The following BRSK2 variants were observed in gnomAD, a reference collection of about 807,000 sequenced individuals.
BRSK2 encodes the protein serine/threonine-protein kinase BRSK2.
A neutral mutation model predicts 83.3 loss-of-function variants in BRSK2; 19 were observed. That is an observed-to-expected ratio of 0.23 (90% CI 0.16 to 0.33). The LOEUF (loss-of-function observed/expected upper bound fraction) is 0.33. Ranked by LOEUF, BRSK2 falls within the 10% of genes least tolerant of loss-of-function variation. The pLI is 1.00. For synonymous variants in BRSK2, 519 were observed against 435.4 expected, an observed-to-expected ratio of 1.19 and a Z score of -2.39; for missense variants, 798 against 1,042.3, an observed-to-expected ratio of 0.77 and a Z score of 3.23.
intron 15 of BRSK2, among the ~76,000 whole-genome samples, chr11:1,453,429 G>C (rs781360339): frequency 6.6e-6 from 1 of 152,264 alleles, no homozygotes; most frequent in African/African-American, 2.4e-5. Flanking sequence ...TGTGCTTCCA[G>C]AACTGCCAGG....
At chr11:1,400,212 T>C (rs1289477155) in intron 1 of BRSK2, among the ~76,000 whole-genome samples, 1 of 152,224 alleles carries the variant, frequency 6.6e-6, no homozygotes, top group Non-Finnish European at 1.5e-5. Context: ...GGCGCTGGGC[T>C]CTGCGTGGGG....
chr11:1,392,291 T>C (rs989875102), intron 1 of BRSK2, among the ~76,000 whole-genome samples: 2 of 152,224 alleles, frequency 1.3e-5, no homozygotes, highest in Admixed American at 6.5e-5. Flanking sequence ...GAGGCTGGGC[T>C]TCTGGCCGCC....
chr11:1,393,145 C>T (rs1157207253), intron 1 of BRSK2, among the ~76,000 whole-genome samples: 2 of 152,190 alleles, frequency 1.3e-5, no homozygotes, highest in Non-Finnish European at 2.9e-5. Context: ...CAGTCCCTGC[C>T]AGCAAGGGCA....
At chr11:1,428,984 ACTGGGTGTGTC>A (rs1327933709) in intron 1 of BRSK2, among the ~76,000 whole-genome samples, 1 of 139,432 alleles carries the variant, frequency 7.2e-6, no homozygotes, top group African/African-American at 2.7e-5. Flanking sequence ...GGGCGTGTGC[ACTGGGTGTGTC>A]CTGGGTGTGT....
At chr11:1,407,402 CTTCT>C (rs1846963147) in intron 1 of BRSK2, among the ~76,000 whole-genome samples, 1 of 152,168 alleles carries the variant, frequency 6.6e-6, no homozygotes, top group Admixed American at 6.5e-5. Context: ...ACTTGGGGGG[CTTCT>C]CACATCGGAC....
In BRSK2 at chr11:1,460,531, T is replaced by C; in HGVS notation, c.2019T>C (p.Ile673=). 7 of 1,468,328 alleles carry C rather than the reference T, an allele frequency of 4.8e-6. No homozygotes were observed. The highest frequency in any genetic ancestry group is 6.3e-6 in the Non-Finnish European group (7 of 1,108,214). The allele number at this position is 1,468,328 out of a possible 1,614,324, so 91.0% of individuals were successfully genotyped here. ...CATTGAGTAACTTCTTTGACGTAAT[T>C]AAACAACTTTTTTCAGACGAGAAGA... The part of the protein sequence containing the change: ...GSPLSNFFDV[I]KQLFSDEKNG... Residue 673 remains isoleucine, a synonymous_variant, in exon 20 of 20, where the codon ATT becomes ATC. Transcript: ENST00000528841.
intron 12 of BRSK2, among the ~76,000 whole-genome samples, chr11:1,449,092 C>T (rs568207068): frequency 3.0e-4 from 45 of 152,342 alleles, no homozygotes; most frequent in African/African-American, 9.4e-4. Context: ...GGTGGAACGA[C>T]GCACAGCCGT....
chr11:1,461,141 C>T lies in BRSK2; in HGVS notation c.*418C>T, dbSNP rs1046819878. On this transcript the variant is annotated 3_prime_UTR_variant, in exon 20 of 20. Transcript: ENST00000528841. ...CTCCTCGCCTCAGCTCCGCACGGCC[C>T]GTGGGAGGAAGGCCAGGCTCGGGGG... is the stretch of plus-strand genomic sequence containing the variant. 5.8e-5 allele frequency: 69 copies of T among 1,195,472 alleles called. No homozygotes were observed. The highest frequency in any genetic ancestry group is 5.7e-4 in the African/African-American group (36 of 63,418). The allele number at this position is 1,195,472 out of a possible 1,614,324, so 74.1% of individuals were successfully genotyped here.
intron 1 of BRSK2, among the ~76,000 whole-genome samples, chr11:1,394,244 A>G (rs867323021): frequency 1.9e-3 from 178 of 96,126 alleles, no homozygotes; most frequent in Middle Eastern, 8.2e-3. Context: ...GGCCATGGAG[A>G]TGGGTCCTGG....
rs138108406 is a variant in BRSK2, at chr11:1,447,163, C to T, written c.1226+1256C>T. On this transcript the variant is annotated intron_variant, in intron 12 of 19. Transcript: ENST00000528841. ...CAGGGCCCAGTCAGCGCAGCCCTGA[C>T]GCCAGTACTAGGGGGTAGCAAGGGG... Among the ~76,000 whole-genome samples the T allele has an allele frequency of 1.9e-3, 294 of 152,242 alleles. 1 individual carries two copies. Among genetic ancestry groups the T allele is most frequent in the South Asian group, 6.0e-3 (29 of 4,830 alleles).
At chr11:1,417,238 A>C (rs529941175) in intron 1 of BRSK2, among the ~76,000 whole-genome samples, 50 of 152,342 alleles carry the variant, frequency 3.3e-4, no homozygotes, top group Non-Finnish European at 6.9e-4. Flanking sequence ...CAAGTGCCTT[A>C]GACTATGAGG....
At chr11:1,445,956 C>A in intron 12 of BRSK2, 49 bp downstream of exon 12, 1 of 1,550,526 alleles carries the variant, frequency 6.4e-7, no homozygotes, top group South Asian at 1.2e-5. Flanking sequence ...GCCCTGGCTG[C>A]GCGGCACTGC....
At chr11:1,436,817 G>C (rs57491173) in intron 2 of BRSK2, among the ~76,000 whole-genome samples, 9,038 of 152,146 alleles carry the variant, frequency 0.059, 353 homozygotes, top group African/African-American at 0.12. Context: ...TTCGCTCCTT[G>C]GCATGCAGGG....
rs745376634 is a variant in BRSK2, at chr11:1,442,523, G to C, written c.447G>C (p.Leu149=). ...HRDLKPENLL[L]DEKNNIRIAD... is the part of the protein sequence containing the mutation. The stretch of plus-strand genomic sequence containing the variant: ...ATCTGAAACCTGAAAACCTCCTGCT[G>C]GACGAGAAGAACAACATCCGCATCG... Residue 149 remains leucine (L), a synonymous_variant, in exon 5 of 20, where the codon CTG becomes CTC. Transcript: ENST00000528841. 3 of 1,613,098 alleles carry C rather than the reference G, an allele frequency of 1.9e-6. No individual in the cohort carries two copies. Among genetic ancestry groups the C allele is most frequent in the Non-Finnish European group, 2.5e-6 (3 of 1,179,748 alleles).
At chr11:1,453,557 C>CT (rs1846068555) in intron 15 of BRSK2, among the ~76,000 whole-genome samples, 2 of 152,186 alleles carry the variant, frequency 1.3e-5, no homozygotes, top group East Asian at 3.9e-4. Context: ...CGGCAGGACA[C>CT]TGAGGAGGCG....
chr11:1,436,998 A>C (rs1031380309), intron 2 of BRSK2, among the ~76,000 whole-genome samples: 1 of 90,108 alleles, frequency 1.1e-5, no homozygotes, highest in African/African-American at 4.4e-5. Context: ...CCCTATGGGG[A>C]GGTGGGGGTG....
Position 1,458,923 on chromosome 11 carries a change from G to C in BRSK2, c.1940-269G>C, listed in dbSNP as rs145324332. 1.4e-4 allele frequency among the ~76,000 whole-genome samples: 21 copies of C among 152,276 alleles called. No homozygotes were observed. The East Asian group carries it at 3.3e-3, about 24-fold the overall frequency. The stretch of plus-strand genomic sequence containing the variant: ...CGGCCATATCCAGGCTCAGGCTCAG[G>C]CTGCTGGAGGTCCGGCTGCTGCCCA... On this transcript the variant is annotated intron_variant, in intron 18 of 19. Transcript: ENST00000528841.
At position 1,456,680 on chromosome 11, in the gene BRSK2, C is replaced by G. The variant is rs1373239905; in HGVS notation, c.1932C>G (p.His644Gln). ...CACACGACCCGCCTGCGGCCCAGCA[C>G]TTGTCAGGTGAGGCGGGCTCAGCTC... ...LSTHDPPAAQ[H>Q]LSDTTNCMEM... The change falls in exon 18 of 20, where the codon CAC (histidine) becomes CAG (glutamine). Residue 644 changes from histidine (H) to glutamine (Q), a missense_variant. By Grantham distance (24) the His-to-Gln change is conservative. Coordinates refer to ENST00000528841, the MANE Select transcript of BRSK2 (RefSeq NM_001256627.2). The G allele has an allele frequency of 1.9e-6, 3 of 1,602,990 alleles. No homozygotes were observed. Among genetic ancestry groups the G allele is most frequent in the African/African-American group, 1.3e-5 (1 of 74,842 alleles).
At chr11:1,460,451 TTC>T (rs1174009043) in intron 19 of BRSK2, 47 bp from the exon 20 acceptor site, 11 of 1,192,458 alleles carry the variant, frequency 9.2e-6, no homozygotes, top group African/African-American at 4.0e-5. Flanking sequence ...CCCCTTTTTT[TTC>T]TTTTTTCCTT....
Sources: allele counts gnomAD v4.1 joint callset (sites outside exome capture counted in the v4.1 genomes callset), GRCh38; gene constraint gnomAD v4.1.1; transcripts MANE v1.5; gene names NCBI Gene and HGNC (gene_info 2026-07-23, HGNC 2026-07-21).